The following KIAA0586 variants were observed in gnomAD, a reference collection of about 807,000 sequenced individuals.
The protein encoded by KIAA0586 is KIAA0586.
Under a neutral mutation model 169.8 loss-of-function variants are expected in KIAA0586, and 144 were observed. The observed-to-expected ratio is 0.85, with a 90% CI of 0.74 to 0.97. KIAA0586 has a LOEUF of 0.97. Among genes scored for constraint, KIAA0586 ranks in the 50% least tolerant of loss-of-function variants. The pLI is 0.00. For missense variants in KIAA0586, 1,854 were observed against 1,823.0 expected, an observed-to-expected ratio of 1.02 and a Z score of -0.31; for synonymous variants, 625 against 612.4, an observed-to-expected ratio of 1.02 and a Z score of -0.30.
intron 27 of KIAA0586, among the ~76,000 whole-genome samples, chr14:58,503,362 T>A (rs2043709941): frequency 6.6e-6 from 1 of 152,124 alleles, no homozygotes; most frequent in South Asian, 2.1e-4. Flanking sequence ...CTTAACTCAT[T>A]TGTGAGGGCT....
At chr14:58,459,725 A>T (rs1685760661) in intron 12 of KIAA0586, 118 bp from the exon 13 acceptor site, 1 of 542,136 alleles carries the variant, frequency 1.8e-6, no homozygotes, top group Non-Finnish European at 3.1e-6. Flanking sequence ...TTTTTAATGC[A>T]TTTAAAACTG....
At position 58,539,963 on chromosome 14, in the gene KIAA0586, A is replaced by G. The variant is rs936169155; in HGVS notation, c.4430-108A>G. The G allele has an allele frequency of 9.3e-6, 6 of 645,938 alleles. No individual in the cohort carries two copies. In the African/African-American group the frequency reaches 1.1e-4, roughly 12 times the overall value. The allele number at this position is 645,938 out of a possible 1,614,324, so 40.0% of individuals were successfully genotyped here. On this transcript the variant is annotated intron_variant, in intron 29 of 30. Transcript: ENST00000652326. ...CTTCTGTTTACCTGGTTTTATGAGA[A>G]TAACGGTGGGAGTGCATTTGGTTTG...
At chr14:58,538,908 T>C (rs140293542) in intron 29 of KIAA0586, among the ~76,000 whole-genome samples, 135 of 152,210 alleles carry the variant, frequency 8.9e-4, no homozygotes, top group African/African-American at 3.0e-3. Context: ...GCCTCCCAAG[T>C]AGCTGGGTCT....
At position 58,508,802 on chromosome 14, in the gene KIAA0586, A is replaced by G. The variant is rs934060777; in HGVS notation, c.4323+93A>G. ...ACCCCGTCAAGAGCCAAGCCTCTGG[A>G]GTCAGATAGCTTCAAATCATGCCTC... is the stretch of plus-strand genomic sequence containing the variant. On this transcript the variant is annotated intron_variant, in intron 28 of 30. Transcript: ENST00000652326. 30 of 910,178 alleles carry G rather than the reference A, an allele frequency of 3.3e-5. No individual in the cohort carries two copies. The Admixed American group carries it at 7.4e-4, about 23-fold the overall frequency. The allele number at this position is 910,178 out of a possible 1,614,324, so 56.4% of individuals were successfully genotyped here. A position where few individuals can be genotyped will look rare whatever the true frequency, so the allele number is the denominator to read the frequency against.
intron 26 of KIAA0586, among the ~76,000 whole-genome samples, chr14:58,497,598 T>TG (rs1366069010): frequency 6.6e-6 from 1 of 151,632 alleles, no homozygotes; most frequent in Non-Finnish European, 1.5e-5. Flanking sequence ...CTCCTGACCT[T>TG]GCGATCTGCC....
chr14:58,522,236 CTTCT>C (rs2045279155), intron 29 of KIAA0586, among the ~76,000 whole-genome samples: 1 of 152,270 alleles, frequency 6.6e-6, no homozygotes, highest in African/African-American at 2.4e-5. Context: ...AATTTTGATA[CTTCT>C]TTATGACTTA....
Position 58,461,007 on chromosome 14 carries a change from G to A in KIAA0586, c.1906G>A (p.Val636Ile). 1 of 1,605,628 alleles carries A rather than the reference G, an allele frequency of 6.2e-7. No homozygotes were observed. The highest frequency in any genetic ancestry group is 8.5e-7 in the Non-Finnish European group (1 of 1,176,924). The change falls in exon 14 of 31, where the codon GTA becomes ATA. Residue 636 changes from valine (V) to isoleucine (I), a missense_variant. Val to Ile is a conservative substitution (Grantham distance 29, BLOSUM62 3). Coordinates refer to ENST00000652326, the MANE Select transcript of KIAA0586 (RefSeq NM_001329943.3). ...RKEGLLKATTVIQDEDYMLQV... is the reference protein window; with the variant it reads ...RKEGLLKATTIIQDEDYMLQV... ...ACAGGGGCTTTTGAAAGCAACCACAGTAATACAAGATGAAGATTATATGTT... is the reference window on the plus strand; with the variant it reads ...ACAGGGGCTTTTGAAAGCAACCACAATAATACAAGATGAAGATTATATGTT...
chr14:58,517,080 TG>T (rs1340920681), intron 29 of KIAA0586, among the ~76,000 whole-genome samples: 3 of 152,208 alleles, frequency 2.0e-5, no homozygotes, highest in African/African-American at 7.2e-5. Flanking sequence ...TTGTGACCTT[TG>T]GTTGGGCAAA....
chr14:58,506,682 CAAA>C (rs966237090), intron 27 of KIAA0586, among the ~76,000 whole-genome samples: 4 of 77,770 alleles, frequency 5.1e-5, no homozygotes, highest in Non-Finnish European at 5.3e-5. Flanking sequence ...GTCTCCGTCT[CAAA>C]AAAAAAAAAA....
intron 29 of KIAA0586, chr14:58,536,903 C>T: frequency 2.4e-6 from 1 of 421,264 alleles, no homozygotes; most frequent in Non-Finnish European, 3.7e-6. Flanking sequence ...ATTGCTCATT[C>T]AAAATTTCCA....
chr14:58,508,412 G>A lies in KIAA0586; in HGVS notation c.4169-143G>A, dbSNP rs1317813618. On this transcript the variant is annotated intron_variant, in intron 27 of 30. Coordinates refer to ENST00000652326, the MANE Select transcript of KIAA0586 (RefSeq NM_001329943.3). ...TGGTTTTAATTGCAGTGAAGGCTTG[G>A]TCCAGGTGTTTTTGTTTGAAGTACA... 6.4e-6 allele frequency: 4 copies of A among 626,330 alleles called. No homozygotes were observed. In the African/African-American group the frequency reaches 7.5e-5, roughly 12 times the overall value. 38.8% of individuals were successfully genotyped at this position (626,330 alleles called of 1,614,324 possible).
chr14:58,528,178 A>G (rs554850863), intron 29 of KIAA0586, among the ~76,000 whole-genome samples: 1 of 152,372 alleles, frequency 6.6e-6, no homozygotes, highest in Non-Finnish European at 1.5e-5. Flanking sequence ...TATGCACCCA[A>G]TACAGGAGCG....
the KIAA0586 span, among the ~76,000 whole-genome samples, chr14:58,559,976 C>G: frequency 6.6e-6 from 1 of 152,074 alleles, no homozygotes; most frequent in African/African-American, 2.4e-5. Context: ...CATGGTGAAA[C>G]CCCGTCTCTA....
At chr14:58,429,002 G>A (rs1024317037) in intron 1 of KIAA0586, among the ~76,000 whole-genome samples, 1 of 152,192 alleles carries the variant, frequency 6.6e-6, no homozygotes, top group Non-Finnish European at 1.5e-5. Flanking sequence ...TTGTAATGCT[G>A]TTCTTTGGGG....
chr14:58,484,902 A>ATTTATATATATATTTTTT (rs1269889812), intron 21 of KIAA0586, among the ~76,000 whole-genome samples: 11 of 12,470 alleles, frequency 8.8e-4, no homozygotes, highest in East Asian at 6.5e-3. Context: ...ATATATATAT[A>ATTTATATATATATTTTTT]TATATATATA....
intron 16 of KIAA0586, among the ~76,000 whole-genome samples, chr14:58,468,153 C>G (rs1259316893): frequency 6.6e-6 from 1 of 152,150 alleles, no homozygotes; most frequent in Non-Finnish European, 1.5e-5. Context: ...TCAAGTGATT[C>G]TCCTGCCTCA....
At chr14:58,469,042 T>C (rs1022561707) in intron 16 of KIAA0586, among the ~76,000 whole-genome samples, 1 of 152,182 alleles carries the variant, frequency 6.6e-6, no homozygotes, top group African/African-American at 2.4e-5. Context: ...TACTGATTTT[T>C]GACTGGACAC....
chr14:58,474,826 A>G (rs1179069822), intron 19 of KIAA0586, 29 bp downstream of exon 19: 3 of 1,424,680 alleles, frequency 2.1e-6, no homozygotes, highest in Non-Finnish European at 2.9e-6. Flanking sequence ...TGGTATGAAT[A>G]GAACCATAGT....
chr14:58,543,607 C>G (rs1051511460), intron 30 of KIAA0586, among the ~76,000 whole-genome samples: 1 of 152,218 alleles, frequency 6.6e-6, no homozygotes, highest in Non-Finnish European at 1.5e-5. Flanking sequence ...CTTGATCTGT[C>G]ATGAAGAGAC....
Sources: allele counts gnomAD v4.1 joint callset (sites outside exome capture counted in the v4.1 genomes callset), GRCh38; gene constraint gnomAD v4.1.1; transcripts MANE v1.5; gene names NCBI Gene and HGNC (gene_info 2026-07-23, HGNC 2026-07-21).